Variants in LMTK2 observed in about 807,000 individuals in gnomAD.
The protein encoded by LMTK2 is lemur tail kinase 2.
Under a neutral mutation model 127.5 loss-of-function variants are expected in LMTK2, and 37 were observed. The ratio of observed to expected loss-of-function variants is 0.29; its 90% confidence interval spans 0.22 to 0.38. The LOEUF (loss-of-function observed/expected upper bound fraction) is 0.38. Among genes scored for constraint, LMTK2 ranks in the 10% least tolerant of loss-of-function variants. The pLI is 1.00. For missense variants in LMTK2, 1,694 were observed against 1,920.3 expected (o/e 0.88, Z 2.20); for synonymous variants, 819 against 810.1 (o/e 1.01, Z -0.19).
At chr7:98,167,133 G>A (rs910674656) in intron 6 of LMTK2, among the ~76,000 whole-genome samples, 10 of 152,150 alleles carry the variant, frequency 6.6e-5, no homozygotes, top group Admixed American at 3.3e-4. Flanking sequence ...AGGGTGGGGC[G>A]GCTTTGGGAA....
At chr7:98,132,125 A>G (rs1309960061) in intron 1 of LMTK2, among the ~76,000 whole-genome samples, 1 of 152,322 alleles carries the variant, frequency 6.6e-6, no homozygotes, top group African/African-American at 2.4e-5. Flanking sequence ...GGACAATGGG[A>G]GTGTCAATCA....
chr7:98,146,107 C>G (rs900258494), intron 3 of LMTK2, among the ~76,000 whole-genome samples: 64 of 152,090 alleles, frequency 4.2e-4, no homozygotes, highest in Non-Finnish European at 7.4e-5. Flanking sequence ...TTTTGAAAAT[C>G]AGTTTACTAT....
At chr7:98,115,950 G>A (rs1201495709) in intron 1 of LMTK2, among the ~76,000 whole-genome samples, 1 of 152,146 alleles carries the variant, frequency 6.6e-6, no homozygotes, top group Non-Finnish European at 1.5e-5. Context: ...GCAGTGAACT[G>A]TCATGGTTTA....
In LMTK2 at chr7:98,159,434, C is replaced by T; in HGVS notation, c.657+9C>T. On this transcript the variant is annotated intron_variant, in intron 6 of 13. Transcript: ENST00000297293. ...TTGAGTTCTGTGACTTGGTAAGTTC[C>T]TTGAAGGAATTCAAGTTCGAGTATT... 1.3e-6 allele frequency: 2 copies of T among 1,580,432 alleles called. No homozygotes were observed. Among genetic ancestry groups the T allele is most frequent in the Non-Finnish European group, 1.7e-6 (2 of 1,150,414 alleles).
intron 1 of LMTK2, among the ~76,000 whole-genome samples, chr7:98,111,912 A>G (rs1370268589): frequency 1.3e-5 from 2 of 152,226 alleles, no homozygotes; most frequent in African/African-American, 4.8e-5. Context: ...GTGTTGGAGA[A>G]CTATGCTGGA....
intron 3 of LMTK2, among the ~76,000 whole-genome samples, chr7:98,142,923 C>A (rs1330281217): frequency 2.0e-5 from 3 of 152,184 alleles, no homozygotes; most frequent in Non-Finnish European, 4.4e-5. Flanking sequence ...AGTTTTATAA[C>A]CATAGAGGAA....
chr7:98,185,653 G>T (rs769931620), intron 8 of LMTK2, among the ~76,000 whole-genome samples: 5 of 152,102 alleles, frequency 3.3e-5, no homozygotes, highest in African/African-American at 1.2e-4. Flanking sequence ...GCGTTCTGGG[G>T]CAGAGAATGG....
intron 6 of LMTK2, among the ~76,000 whole-genome samples, chr7:98,170,270 A>G (rs766450803): frequency 1.3e-5 from 2 of 152,234 alleles, no homozygotes; most frequent in Non-Finnish European, 2.9e-5. Flanking sequence ...CTCAAAGCAC[A>G]AATGGTGGCA....
chr7:98,132,587 G>T (rs529989746), intron 1 of LMTK2, among the ~76,000 whole-genome samples: 9 of 152,104 alleles, frequency 5.9e-5, no homozygotes, highest in African/African-American at 2.2e-4. Flanking sequence ...GAGAAAGATT[G>T]AAGTATCTAG....
At chr7:98,125,817 T>A (rs577399591) in intron 1 of LMTK2, among the ~76,000 whole-genome samples, 1 of 152,332 alleles carries the variant, frequency 6.6e-6, no homozygotes, top group African/African-American at 2.4e-5. Flanking sequence ...AGATGGTACT[T>A]AAAAATCAAA....
intron 1 of LMTK2, among the ~76,000 whole-genome samples, chr7:98,118,389 G>A (rs971796418): frequency 5.3e-5 from 8 of 152,160 alleles, no homozygotes; most frequent in African/African-American, 1.9e-4. Context: ...GGGTCTTTCA[G>A]TGTTGGAATT....
chr7:98,129,691 G>A (rs1474963978), intron 1 of LMTK2, among the ~76,000 whole-genome samples: 1 of 152,160 alleles, frequency 6.6e-6, no homozygotes, highest in Non-Finnish European at 1.5e-5. Flanking sequence ...TGATCCGGTA[G>A]GTTGGTTATG....
chr7:98,151,893 C>T (rs1160548311), intron 4 of LMTK2, among the ~76,000 whole-genome samples: 1 of 152,146 alleles, frequency 6.6e-6, no homozygotes, highest in South Asian at 2.1e-4. Flanking sequence ...AGAGGCCTTC[C>T]TCCTCTCCAT....
intron 4 of LMTK2, among the ~76,000 whole-genome samples, chr7:98,153,182 G>A (rs779807540): frequency 5.9e-5 from 9 of 152,146 alleles, no homozygotes; most frequent in South Asian, 2.1e-4. Flanking sequence ...AGAGGGTCCC[G>A]GCTGGACATG....
rs558173998 is a variant in LMTK2, at chr7:98,154,185, A to AT, written c.451-571dup. Among the ~76,000 whole-genome samples, 31 of 152,298 alleles carry AT rather than the reference A, an allele frequency of 2.0e-4. No individual in the cohort carries two copies. In the East Asian group the frequency reaches 5.8e-3, roughly 28 times the overall value. On this transcript the variant is annotated intron_variant, in intron 4 of 13. Transcript: ENST00000297293. ...AGCTAGTTCTCATGTGAGGCAGCAGATTCTCATTTCGTGTTCTGCTGATTT... is the reference window on the plus strand; with the variant it reads ...AGCTAGTTCTCATGTGAGGCAGCAGATTTCTCATTTCGTGTTCTGCTGATTT...
chr7:98,111,135 G>C (rs1056521135), intron 1 of LMTK2, among the ~76,000 whole-genome samples: 24 of 152,186 alleles, frequency 1.6e-4, no homozygotes, highest in Admixed American at 1.5e-3. Context: ...ACAGTAATAG[G>C]AAGTCCGTCT....
chr7:98,143,414 T>C (rs754409602), intron 3 of LMTK2, among the ~76,000 whole-genome samples: 4 of 152,126 alleles, frequency 2.6e-5, no homozygotes, highest in Non-Finnish European at 5.9e-5. Flanking sequence ...AAAATATTTG[T>C]GAACTACAAA....
chr7:98,209,272 A>G lies in LMTK2; in HGVS notation c.*3780A>G, dbSNP rs1392745458. The G allele has an allele frequency of 6.6e-6, 1 of 152,264 alleles. No individual in the cohort carries two copies. Among genetic ancestry groups the G allele is most frequent in the East Asian group, 1.9e-4 (1 of 5,196 alleles). 9.4% of individuals were successfully genotyped at this position (152,264 alleles called of 1,614,324 possible). On this transcript the variant is annotated 3_prime_UTR_variant, in exon 14 of 14. Coordinates refer to ENST00000297293, the MANE Select transcript of LMTK2 (RefSeq NM_014916.4). ...TCTTAAAGATGCATTGACAGTGTTG[A>G]ATTACCAACAGCCTGTGAAGATCAG...
At chr7:98,109,454 C>G (rs1391438830) in intron 1 of LMTK2, among the ~76,000 whole-genome samples, 1 of 151,950 alleles carries the variant, frequency 6.6e-6, no homozygotes, top group East Asian at 1.9e-4. Context: ...GGAAAAGACG[C>G]ACAGTCAGGC....
Sources: allele counts gnomAD v4.1 joint callset (sites outside exome capture counted in the v4.1 genomes callset), GRCh38; gene constraint gnomAD v4.1.1; transcripts MANE v1.5; gene names NCBI Gene and HGNC (gene_info 2026-07-23, HGNC 2026-07-21).